The following GRID2 variants were observed in gnomAD, a reference collection of about 807,000 sequenced individuals.
GRID2 encodes the protein glutamate ionotropic receptor delta type subunit 2, also known as glutamate receptor ionotropic, delta-2.
Under a neutral mutation model 114.8 loss-of-function variants are expected in GRID2, and 33 were observed. The ratio of observed to expected loss-of-function variants is 0.29; its 90% CI spans 0.22 to 0.38. The LOEUF is 0.38. Ranked by LOEUF, GRID2 falls within the 10% of genes least tolerant of loss-of-function variation. The pLI, the probability that GRID2 is intolerant of heterozygous loss-of-function variation, is 1.00. For synonymous variants in GRID2, 505 were observed against 449.9 expected (o/e 1.12, Z -1.55); for missense variants, 1,184 against 1,257.7 (o/e 0.94, Z 0.89).
intron 3 of GRID2, 87 bp downstream of exon 3, chr4:93,085,366 T>A (rs1730237880): frequency 8.2e-6 from 8 of 979,822 alleles, no homozygotes; most frequent in Non-Finnish European, 1.2e-5. Context: ...TCAAGGGTCT[T>A]ACTCATTGTT....
At chr4:93,230,039 T>C (rs183383172) in intron 7 of GRID2, among the ~76,000 whole-genome samples, 72 of 152,232 alleles carry the variant, frequency 4.7e-4, no homozygotes, top group Admixed American at 2.6e-3. Context: ...TAACATGGCA[T>C]CTATCCATAT....
At chr4:93,028,800 G>C (rs1724125783) in intron 2 of GRID2, among the ~76,000 whole-genome samples, 1 of 151,966 alleles carries the variant, frequency 6.6e-6, no homozygotes, top group African/African-American at 2.4e-5. Flanking sequence ...GAGGTAGCTG[G>C]TCCTGCTTTC....
chr4:93,703,943 C>T (rs993547098), intron 14 of GRID2, among the ~76,000 whole-genome samples: 5 of 152,022 alleles, frequency 3.3e-5, no homozygotes, highest in Admixed American at 6.6e-5. Flanking sequence ...GTGAATAGTG[C>T]CGTGATAAAC....
At chr4:93,419,074 CTTTTTTT>C (rs58832079) in intron 9 of GRID2, among the ~76,000 whole-genome samples, 1,194 of 109,476 alleles carry the variant, frequency 0.011, 8 homozygotes, top group Non-Finnish European at 0.016. Flanking sequence ...CATGATTTTC[CTTTTTTT>C]TTTTTTTTTT....
chr4:93,252,507 C>T (rs1749082208), intron 8 of GRID2, among the ~76,000 whole-genome samples: 1 of 151,844 alleles, frequency 6.6e-6, no homozygotes, highest in South Asian at 2.1e-4. Context: ...AACATGATGC[C>T]CCCAGCTTTG....
intron 8 of GRID2, among the ~76,000 whole-genome samples, chr4:93,271,593 T>G (rs1189520432): frequency 6.6e-6 from 1 of 152,184 alleles, no homozygotes; most frequent in Non-Finnish European, 1.5e-5. Context: ...AGTTTGAATT[T>G]TCACTAAGGT....
intron 8 of GRID2, among the ~76,000 whole-genome samples, chr4:93,268,188 T>C (rs533351923): frequency 6.6e-6 from 1 of 152,330 alleles, no homozygotes; most frequent in Non-Finnish European, 1.5e-5. Context: ...TATCAATCTC[T>C]ACACACTATT....
intron 10 of GRID2, among the ~76,000 whole-genome samples, chr4:93,441,976 A>G (rs1398881096): frequency 6.6e-6 from 1 of 151,864 alleles, no homozygotes; most frequent in South Asian, 2.1e-4. Context: ...TGTCTCTCCT[A>G]CTCATTTTAT....
chr4:93,537,398 AT>A (rs1342819411), intron 13 of GRID2, among the ~76,000 whole-genome samples: 1 of 151,802 alleles, frequency 6.6e-6, no homozygotes, highest in Non-Finnish European at 1.5e-5. Context: ...TTGCCTTCTA[AT>A]AAATAAGACA....
intron 10 of GRID2, among the ~76,000 whole-genome samples, chr4:93,444,385 A>G (rs766020789): frequency 6.6e-5 from 10 of 152,016 alleles, no homozygotes; most frequent in Non-Finnish European, 1.5e-4. Flanking sequence ...TCTGAGAAAC[A>G]GTGTAGCAAT....
At chr4:93,414,076 G>A (rs936501476) in intron 9 of GRID2, among the ~76,000 whole-genome samples, 1 of 152,154 alleles carries the variant, frequency 6.6e-6, no homozygotes, top group African/African-American at 2.4e-5. Context: ...AGTATGAGAT[G>A]GTGTTGCATC....
chr4:93,686,299 A>G (rs530874620), intron 14 of GRID2, among the ~76,000 whole-genome samples: 22 of 151,860 alleles, frequency 1.4e-4, no homozygotes, highest in Admixed American at 3.3e-4. Context: ...GGTCTTATCA[A>G]TATCTCATAC....
chr4:93,141,559 G>GA (rs893421639), intron 4 of GRID2, among the ~76,000 whole-genome samples: 226 of 150,330 alleles, frequency 1.5e-3, no homozygotes, highest in African/African-American at 4.7e-3. Flanking sequence ...TAAAGCTTTT[G>GA]AAAAAAAAAG....
intron 8 of GRID2, chr4:93,259,051 G>A: frequency 2.8e-6 from 1 of 358,902 alleles, no homozygotes; most frequent in Non-Finnish European, 5.6e-6. Context: ...AGAAAAAAAA[G>A]TATTATAGAG....
chr4:92,453,518 A>G (rs999757188), intron 1 of GRID2, among the ~76,000 whole-genome samples: 1 of 152,188 alleles, frequency 6.6e-6, no homozygotes, highest in Non-Finnish European at 1.5e-5. Context: ...TATTGCACCA[A>G]ATGATTTTTA....
At chr4:92,802,684 G>A (rs1740234203) in intron 2 of GRID2, among the ~76,000 whole-genome samples, 1 of 151,792 alleles carries the variant, frequency 6.6e-6, no homozygotes, top group Non-Finnish European at 1.5e-5. Flanking sequence ...CTATTTGTGG[G>A]CTCCCTATTG....
chr4:92,903,341 G>A (rs138540560), intron 2 of GRID2, among the ~76,000 whole-genome samples: 1 of 151,754 alleles, frequency 6.6e-6, no homozygotes, highest in Non-Finnish European at 1.5e-5. Flanking sequence ...TTATAAAATT[G>A]CAAAGTAAGT....
chr4:93,183,592 T>C (rs888978922), intron 4 of GRID2, among the ~76,000 whole-genome samples: 3 of 152,194 alleles, frequency 2.0e-5, no homozygotes, highest in Non-Finnish European at 4.4e-5. Context: ...ACTTAATTAC[T>C]GCCAGACATT....
At chr4:93,483,898 A>G (rs1275051928) in intron 11 of GRID2, among the ~76,000 whole-genome samples, 1 of 151,796 alleles carries the variant, frequency 6.6e-6, no homozygotes, top group Admixed American at 6.6e-5. Flanking sequence ...GTATCAGCCT[A>G]ATTTTTGCAA....
Sources: allele counts gnomAD v4.1 joint callset (sites outside exome capture counted in the v4.1 genomes callset), GRCh38; gene constraint gnomAD v4.1.1; transcripts MANE v1.5; gene names NCBI Gene and HGNC (gene_info 2026-07-23, HGNC 2026-07-21).